The following IGF2R variants were observed in gnomAD, a reference collection of about 807,000 sequenced individuals.
IGF2R encodes cation-independent mannose-6-phosphate receptor.
Under a neutral mutation model 270.6 loss-of-function variants are expected in IGF2R, and 91 were observed. That is an observed-to-expected ratio of 0.34 (90% confidence interval 0.28 to 0.40). The LOEUF (loss-of-function observed/expected upper bound fraction) is 0.40, where lower values mean the gene tolerates loss of function less well. IGF2R is among the 10% of genes least tolerant of loss of function. The pLI, the probability that IGF2R is intolerant of heterozygous loss-of-function variation, is 1.00. For synonymous variants in IGF2R, 1,316 were observed against 1,258.9 expected, an observed-to-expected ratio of 1.05 and a Z score of -0.96; for missense variants, 2,805 against 3,188.3, an observed-to-expected ratio of 0.88 and a Z score of 2.90.
chr6:160,047,685 TCA>T (rs1778099527), intron 16 of IGF2R, 105 bp from the exon 17 acceptor site: 1 of 767,236 alleles, frequency 1.3e-6, no homozygotes. Context: ...AAGCTTTTCT[TCA>T]CAGTTTCTCA....
intron 4 of IGF2R, among the ~76,000 whole-genome samples, chr6:160,011,567 T>TG (rs1377745498): frequency 2.0e-5 from 3 of 151,676 alleles, no homozygotes; most frequent in African/African-American, 4.9e-5. Context: ...TTTTTTTTTT[T>TG]TGTGAGGACT....
At chr6:160,081,226 T>C in intron 39 of IGF2R, among the ~76,000 whole-genome samples, 1 of 151,652 alleles carries the variant, frequency 6.6e-6, no homozygotes, top group Non-Finnish European at 1.5e-5. Context: ...TTTCCCTAAG[T>C]GTTGGCCGGT....
At chr6:160,072,147 C>T in intron 32 of IGF2R, 111 bp downstream of exon 32, 5 of 1,385,642 alleles carry the variant, frequency 3.6e-6, no homozygotes, top group Non-Finnish European at 5.0e-6. Flanking sequence ...AGCAGGCGCC[C>T]TGGGCAGAGG....
intron 41 of IGF2R, among the ~76,000 whole-genome samples, chr6:160,087,177 G>A (rs900047205): frequency 9.9e-5 from 15 of 152,200 alleles, no homozygotes; most frequent in African/African-American, 2.9e-4. Flanking sequence ...TCGACTGAAA[G>A]CTAGAAGACC....
chr6:160,059,091 T>G lies in IGF2R; in HGVS notation c.3084T>G (p.Ser1028=). 1 of 1,613,754 alleles carries G rather than the reference T, an allele frequency of 6.2e-7. No homozygotes were observed. Among genetic ancestry groups the G allele is most frequent in the Non-Finnish European group, 8.5e-7 (1 of 1,179,866 alleles). The change falls in exon 22 of 48, where the codon TCT becomes TCG. Residue 1028 remains serine, a synonymous_variant. Transcript: ENST00000356956. ...FITLTYKGPL[S]AKGTADAFIV... Reference sequence around the variant, plus strand: ...CTCTGACCTACAAAGGGCCTCTCTCTGCCAAAGGTGAGCTCAGAGCCATGT... The same window carrying G: ...CTCTGACCTACAAAGGGCCTCTCTCGGCCAAAGGTGAGCTCAGAGCCATGT...
At chr6:160,023,769 T>G (rs1424903539) in intron 4 of IGF2R, among the ~76,000 whole-genome samples, 1 of 152,190 alleles carries the variant, frequency 6.6e-6, no homozygotes, top group Non-Finnish European at 1.5e-5. Flanking sequence ...GCTAGAGACA[T>G]GAATTTGGGA....
Position 160,048,536 on chromosome 6 carries a change from A to G in IGF2R, c.2507A>G (p.Lys836Arg), listed in dbSNP as rs1306302735. ...YASACQMKYEKDQGSFTEVVS... is the reference protein window; with the variant it reads ...YASACQMKYERDQGSFTEVVS... ...TCGGCTTGCCAGATGAAGTATGAAA[A>G]AGATCAGGTGAATCTGTTTTCACTG... Residue 836 changes from lysine (K) to arginine (R), a missense_variant, in exon 18 of 48, where the codon AAA (lysine) becomes AGA (arginine). Physicochemically the swap from Lys to Arg is conservative, Grantham distance 26 (BLOSUM62 2). Around this residue, in one of 2 missense-constraint regions of IGF2R, gnomAD observed 1,851 missense variants for 2,207.2 expected, o/e 0.84. Coordinates refer to ENST00000356956, the MANE Select transcript of IGF2R (RefSeq NM_000876.4). 6.2e-7 allele frequency: 1 copy of G among 1,613,762 alleles called. No homozygotes were observed. Among genetic ancestry groups the G allele is most frequent in the South Asian group, 1.1e-5 (1 of 90,952 alleles).
intron 1 of IGF2R, among the ~76,000 whole-genome samples, chr6:159,970,104 A>T (rs1451230196): frequency 6.6e-6 from 1 of 152,010 alleles, no homozygotes; most frequent in Non-Finnish European, 1.5e-5. Flanking sequence ...GGGGCGGATT[A>T]TTCTAGTGGA....
At position 159,969,263 on chromosome 6, in the gene IGF2R, GC is replaced by G. The variant is rs2115160521; in HGVS notation, c.19del (p.Arg7GlyfsTer82). MGAAA[G>X]RSPHLGPAPA... ...CCCGGCGCGATGGGGGCCGCCGCCGGCCGGAGCCCCCACCTGGGGCCCGCGC... is the reference window on the plus strand; with the variant it reads ...CCCGGCGCGATGGGGGCCGCCGCCGGCGGAGCCCCCACCTGGGGCCCGCGC... On this transcript the variant is annotated frameshift_variant, in exon 1 of 48. Coordinates refer to ENST00000356956, the MANE Select transcript of IGF2R (RefSeq NM_000876.4). LOFTEE classifies it high-confidence loss of function. 9.1e-7 allele frequency: 1 copy of G among 1,097,892 alleles called. No homozygotes were observed. The highest frequency in any genetic ancestry group is 1.1e-6 in the Non-Finnish European group (1 of 905,706). The allele number at this position is 1,097,892 out of a possible 1,614,324, so 68.0% of individuals were successfully genotyped here.
At chr6:160,078,150 T>A in intron 36 of IGF2R, 51 bp from the exon 37 acceptor site, 1 of 1,590,860 alleles carries the variant, frequency 6.3e-7, no homozygotes, top group Non-Finnish European at 8.6e-7. Context: ...GTCACTGCTA[T>A]CTATCCCTAT....
chr6:160,061,656 C>G lies in IGF2R; in HGVS notation c.3406+10C>G, dbSNP rs375653220. ...ATTCCTGGATGCCAGGGTGAGTTCT[C>G]CTTGGTCTCTTGATTGGCGTCTGTT... On this transcript the variant is annotated intron_variant, in intron 24 of 47. Coordinates refer to ENST00000356956, the MANE Select transcript of IGF2R (RefSeq NM_000876.4). 6 of 1,614,104 alleles carry G rather than the reference C, an allele frequency of 3.7e-6. No homozygotes were observed. Among genetic ancestry groups the G allele is most frequent in the Non-Finnish European group, 5.1e-6 (6 of 1,179,986 alleles).
intron 17 of IGF2R, 89 bp downstream of exon 17, chr6:160,047,996 T>TG: frequency 1.2e-6 from 1 of 861,316 alleles, no homozygotes; most frequent in Non-Finnish European, 2.0e-6. Flanking sequence ...GAGCTGATGA[T>TG]GGGGAGTGAT....
At chr6:159,980,744 A>G (rs935703201) in intron 1 of IGF2R, among the ~76,000 whole-genome samples, 4 of 151,852 alleles carry the variant, frequency 2.6e-5, no homozygotes, top group Non-Finnish European at 5.9e-5. Flanking sequence ...TGGGTCTGGG[A>G]GGGTTTTCTG....
chr6:160,023,248 G>A (rs1777476595), intron 4 of IGF2R, among the ~76,000 whole-genome samples: 1 of 152,100 alleles, frequency 6.6e-6, no homozygotes, highest in Non-Finnish European at 1.5e-5. Context: ...TGAAGGGAGA[G>A]CTGGCAGGAC....
chr6:160,086,381 G>A (rs930448292), intron 41 of IGF2R, among the ~76,000 whole-genome samples: 2 of 152,192 alleles, frequency 1.3e-5, no homozygotes, highest in South Asian at 2.1e-4. Context: ...GGACAACCAC[G>A]GTGCCCCCAT....
At chr6:160,068,786 G>T (rs1208291528) in intron 30 of IGF2R, among the ~76,000 whole-genome samples, 1 of 152,186 alleles carries the variant, frequency 6.6e-6, no homozygotes, top group Non-Finnish European at 1.5e-5. Flanking sequence ...CTTGTCATGA[G>T]TTTATCAGGG....
At chr6:160,090,227 T>C (rs897850752) in intron 44 of IGF2R, 124 bp downstream of exon 44, 51 of 603,794 alleles carry the variant, frequency 8.4e-5, no homozygotes, top group Non-Finnish European at 4.3e-5. Context: ...CTTGGTCTAA[T>C]TCTTTACTTT....
At chr6:160,080,299 C>G (rs775835133) in intron 39 of IGF2R, 24 bp downstream of exon 39, 1 of 1,608,198 alleles carries the variant, frequency 6.2e-7, no homozygotes, top group Non-Finnish European at 8.5e-7. Flanking sequence ...CTCCGCGTCC[C>G]CACATGGCCT....
intron 4 of IGF2R, among the ~76,000 whole-genome samples, chr6:160,013,524 TAGA>T (rs1248380823): frequency 6.6e-6 from 1 of 152,190 alleles, no homozygotes; most frequent in Non-Finnish European, 1.5e-5. Flanking sequence ...TAATTTCTCT[TAGA>T]AGCAGATTGA....
Sources: allele counts gnomAD v4.1 joint callset (sites outside exome capture counted in the v4.1 genomes callset), GRCh38; gene constraint gnomAD v4.1.1; regional missense constraint gnomAD v4.1.1; transcripts MANE v1.5; gene names NCBI Gene and HGNC (gene_info 2026-07-23, HGNC 2026-07-21).